Variants in GPR153 observed in about 807,000 individuals in gnomAD.
GPR153 encodes G protein-coupled receptor 153.
Under a neutral mutation model 34.1 loss-of-function variants are expected in GPR153, and 27 were observed. That is an observed-to-expected ratio of 0.79 (90% CI 0.58 to 1.09). GPR153 has a LOEUF of 1.09. GPR153 is among the 50% of genes least tolerant of loss of function. GPR153 has a pLI of 0.00. For synonymous variants in GPR153, 408 were observed against 405.4 expected (o/e 1.01, Z -0.08); for missense variants, 848 against 860.2 (o/e 0.99, Z 0.18).
chr1:6,254,632 T>G lies in GPR153; in HGVS notation c.274A>C (p.Thr92Pro). The G allele has an allele frequency of 6.2e-7, 1 of 1,612,794 alleles. No individual in the cohort carries two copies. Among genetic ancestry groups the G allele is most frequent in the Non-Finnish European group, 8.5e-7 (1 of 1,179,324 alleles). ...GAGAAACAGGTGGCCAGGGTGAGGG[T>G]GTAGAAGGTGGACACGAAGACCTTG... ...LCKVFVSTFYTLTLATCFSVT... is the reference protein window; with the variant it reads ...LCKVFVSTFYPLTLATCFSVT... The change falls in exon 2 of 6, where the codon ACC becomes CCC. Residue 92 changes from threonine (T) to proline (P), a missense_variant. Transcript: ENST00000377893.
At chr1:6,256,202 AGCAACAGT>A (rs546112738) in intron 1 of GPR153, among the ~76,000 whole-genome samples, 123 of 152,234 alleles carry the variant, frequency 8.1e-4, no homozygotes, top group South Asian at 7.2e-3. Flanking sequence ...CTGCCATGTG[AGCAACAGT>A]GCTGTTCCCC....
Position 6,249,544 on chromosome 1 carries a change from T to A in GPR153, c.1624A>T (p.Ser542Cys). 2 of 1,197,900 alleles carry A rather than the reference T, an allele frequency of 1.7e-6. No individual in the cohort carries two copies. Among genetic ancestry groups the A allele is most frequent in the Admixed American group, 4.5e-5 (1 of 22,362 alleles). 74.2% of individuals were successfully genotyped at this position (1,197,900 alleles called of 1,614,324 possible). The part of the protein sequence containing the change: ...ADPGEAPTPP[S>C]SAQRSPGPRP... ...GGCCCTGGGCTCCGCTGGGCGCTGC[T>A]TGGGGGCGTCGGGGCCTCTCCGGGA... Residue 542 changes from serine (S) to cysteine (C), a missense_variant, in exon 6 of 6, where the codon AGC becomes TGC. Physicochemically the swap from Ser to Cys is moderately radical, Grantham distance 112. Transcript: ENST00000377893. The surrounding 1 kb of genome is among the most constrained non-coding windows in gnomAD (Gnocchi z 4.3).
intron 3 of GPR153, among the ~76,000 whole-genome samples, chr1:6,252,148 G>A (rs1287890891): frequency 6.6e-6 from 1 of 152,162 alleles, no homozygotes; most frequent in Admixed American, 6.5e-5. Context: ...TTAAGTGACT[G>A]CCACAAAAGA....
Position 6,248,969 on chromosome 1 carries a change from C to A in GPR153, c.*369G>T, listed in dbSNP as rs113362011. ...TCTCCAAAGCGGGGCTTTGTCCGAT[C>A]CCGCAGTGGCCCTGTCTCAGGTTCC... On this transcript the variant is annotated 3_prime_UTR_variant, in exon 6 of 6. Transcript: ENST00000377893. 3.4e-3 allele frequency: 623 copies of A among 183,500 alleles called. 9 individuals are homozygous for A. The highest frequency in any genetic ancestry group is 0.013 in the African/African-American group (572 of 42,762). The allele number at this position is 183,500 out of a possible 1,614,324, so 11.4% of individuals were successfully genotyped here.
chr1:6,253,640 A>C (rs1427750702), intron 3 of GPR153, 78 bp downstream of exon 3: 3 of 1,316,524 alleles, frequency 2.3e-6, no homozygotes, highest in Non-Finnish European at 3.1e-6. Context: ...CTGAGGACTC[A>C]ACCACCTGAT....
In GPR153 at chr1:6,249,454, G is replaced by A. The variant is rs1283235346; in HGVS notation, c.1714C>T (p.Pro572Ser). 1 of 1,349,690 alleles carries A rather than the reference G, an allele frequency of 7.4e-7. No individual in the cohort carries two copies. The highest frequency in any genetic ancestry group is 9.5e-7 in the Non-Finnish European group (1 of 1,055,950). The allele number at this position is 1,349,690 out of a possible 1,614,324, so 83.6% of individuals were successfully genotyped here. Reference sequence around the variant, plus strand: ...CCGCCCGCCGCGCGCAGCCCCCCGGGCTCGCCCCACGACGCGCTCAGGCCG... The same window carrying A: ...CCGCCCGCCGCGCGCAGCCCCCCGGACTCGCCCCACGACGCGCTCAGGCCG... Reference protein sequence around the residue: ...RPGLSASWGEPGGLRAAGGGG... With the variant: ...RPGLSASWGESGGLRAAGGGG... The change falls in exon 6 of 6, where the codon CCC becomes TCC. Residue 572 changes from proline (P) to serine (S), a missense_variant. Transcript: ENST00000377893. The surrounding 1 kb of genome is among the most constrained non-coding windows in gnomAD (Gnocchi z 4.3).
In GPR153 at chr1:6,249,226, C is replaced by G. The variant is rs541363987; in HGVS notation, c.*112G>C. ...ACGCTGAGGCCAACGCCCCCTCACC[C>G]CTGGGAGGGGTGGCGCATGTCTGCG... On this transcript the variant is annotated 3_prime_UTR_variant, in exon 6 of 6. Coordinates refer to ENST00000377893, the MANE Select transcript of GPR153 (RefSeq NM_207370.4). The surrounding 1 kb of genome is among the most constrained non-coding windows in gnomAD (Gnocchi z 4.3). 532 of 793,942 alleles carry G rather than the reference C, an allele frequency of 6.7e-4. 1 individual carries two copies. The South Asian group carries it at 0.013, about 19-fold the overall frequency. 49.2% of individuals were successfully genotyped at this position (793,942 alleles called of 1,614,324 possible).
chr1:6,257,881 G>A (rs1638597606), intron 1 of GPR153, among the ~76,000 whole-genome samples: 1 of 152,248 alleles, frequency 6.6e-6, no homozygotes, highest in Admixed American at 6.5e-5. Flanking sequence ...AGTACCAAGT[G>A]AAGGCCTACT....
rs757002132 is a variant in GPR153, at chr1:6,253,927, T to C, written c.577A>G (p.Ile193Val). 5.8e-5 allele frequency: 94 copies of C among 1,611,290 alleles called. No homozygotes were observed. Among genetic ancestry groups the C allele is most frequent in the Non-Finnish European group, 8.0e-5 (94 of 1,179,260 alleles). ...ACGGCCAGCGTCTGGAAGAGGGCGATGGCTGTGCAGATCACGCCCATGGCC... is the reference window on the plus strand; with the variant it reads ...ACGGCCAGCGTCTGGAAGAGGGCGACGGCTGTGCAGATCACGCCCATGGCC... ...SVAMGVICTAIALFQTLAVQV... is the reference protein window; with the variant it reads ...SVAMGVICTAVALFQTLAVQV... Residue 193 changes from isoleucine (I) to valine (V), a missense_variant, in exon 3 of 6, where the codon ATC becomes GTC. Transcript: ENST00000377893.
Position 6,253,864 on chromosome 1 carries a change from C to T in GPR153, c.640G>A (p.Val214Met), listed in dbSNP as rs1035922375. The T allele has an allele frequency of 8.1e-6, 13 of 1,606,756 alleles. No homozygotes were observed. The East Asian group carries it at 1.3e-4, about 17-fold the overall frequency. ...GCGTCCTCCACCACGATGGTGGGCA[C>T]GGTGAAGGCGCGGCGGTCGGCCTGG... ...GRQADRRAFTVPTIVVEDAQG... is the reference protein window; with the variant it reads ...GRQADRRAFTMPTIVVEDAQG... The change falls in exon 3 of 6, where the codon GTG (valine) becomes ATG (methionine). Residue 214 changes from valine to methionine, a missense_variant. Val to Met is a conservative substitution (Grantham distance 21). Transcript: ENST00000377893.
At chr1:6,257,348 G>T (rs1451233482) in intron 1 of GPR153, among the ~76,000 whole-genome samples, 1 of 152,228 alleles carries the variant, frequency 6.6e-6, no homozygotes, top group Non-Finnish European at 1.5e-5. Context: ...GGGGAACGGA[G>T]ATGGTCACCA....
Position 6,254,924 on chromosome 1 carries a change from C to A in GPR153, c.-19G>T. On this transcript the variant is annotated 5_prime_UTR_variant, in exon 2 of 6. Coordinates refer to ENST00000377893, the MANE Select transcript of GPR153 (RefSeq NM_207370.4). ...CACTCATGGTGCAGACCGGAGCTGG[C>A]AGGCGGCTGTGGCATCCTCCTTGGA... The A allele has an allele frequency of 6.6e-7, 1 of 1,511,034 alleles. No homozygotes were observed. The highest frequency in any genetic ancestry group is 8.9e-7 in the Non-Finnish European group (1 of 1,129,324). 93.6% of individuals were successfully genotyped at this position (1,511,034 alleles called of 1,614,324 possible).
intron 1 of GPR153, among the ~76,000 whole-genome samples, chr1:6,257,526 G>A (rs761021560): frequency 2.6e-5 from 4 of 152,248 alleles, no homozygotes; most frequent in Non-Finnish European, 5.9e-5. Context: ...CTTCTTCCGC[G>A]GGGAGGCTGA....
At chr1:6,258,329 A>G (rs1045463341) in intron 1 of GPR153, among the ~76,000 whole-genome samples, 1 of 152,072 alleles carries the variant, frequency 6.6e-6, no homozygotes, top group African/African-American at 2.4e-5. Flanking sequence ...AGGTTTCATC[A>G]TGTTGGCCAG....
At chr1:6,259,883 G>A (rs1338420815) in intron 1 of GPR153, among the ~76,000 whole-genome samples, 2 of 152,200 alleles carry the variant, frequency 1.3e-5, no homozygotes, top group East Asian at 1.9e-4. Context: ...CAGTGCCGAC[G>A]GGACCCAGTC....
chr1:6,249,337 C>A lies in GPR153; in HGVS notation c.*1G>T. 7.7e-7 allele frequency: 1 copy of A among 1,299,434 alleles called. No individual in the cohort carries two copies. Among genetic ancestry groups the A allele is most frequent in the South Asian group, 2.4e-5 (1 of 42,228 alleles). The allele number at this position is 1,299,434 out of a possible 1,614,324, so 80.5% of individuals were successfully genotyped here. A position where few individuals can be genotyped will look rare whatever the true frequency, so the allele number is the denominator to read the frequency against. On this transcript the variant is annotated 3_prime_UTR_variant, in exon 6 of 6. Transcript: ENST00000377893. The surrounding 1 kb of genome is among the most constrained non-coding windows in gnomAD (Gnocchi z 4.3). ...GCGTCCGTGGGGAGGCGCCGGCGGT[C>A]CTAGGACGCGGAGCCCAGCGAGTCC...
At chr1:6,252,615 C>T (rs1184435588) in intron 3 of GPR153, among the ~76,000 whole-genome samples, 1 of 152,186 alleles carries the variant, frequency 6.6e-6, no homozygotes, top group Non-Finnish European at 1.5e-5. Context: ...GCTGCCACCC[C>T]CCGAGTCACC....
In GPR153 at chr1:6,255,006, CA is replaced by C; in HGVS notation, c.-102del. The C allele has an allele frequency of 1.2e-6, 1 of 832,312 alleles. No individual in the cohort carries two copies. The highest frequency in any genetic ancestry group is 1.8e-6 in the Non-Finnish European group (1 of 560,980). 51.6% of individuals were successfully genotyped at this position (832,312 alleles called of 1,614,324 possible). Reference sequence around the variant, plus strand: ...CTGGTGGCTCAAGGATGCTGGGGACCACGAGCATCTGTGGGGGGGTGGCAGT... The same window carrying C: ...CTGGTGGCTCAAGGATGCTGGGGACCCGAGCATCTGTGGGGGGGTGGCAGT... On this transcript the variant is annotated 5_prime_UTR_variant, in exon 2 of 6. The change creates a premature stop within an existing upstream ORF in the 5' untranslated region. Transcript: ENST00000377893.
At position 6,250,460 on chromosome 1, in the gene GPR153, C is replaced by T. The variant is rs1638419178; in HGVS notation, c.1144G>A (p.Asp382Asn). The stretch of plus-strand genomic sequence containing the variant: ...CTCACCTGCAGGTATTGCATCTTGT[C>T]CTCCTGCAAGGGCCGCAGTGGGTAG... The part of the protein sequence containing the change: ...QLYPLRPLQE[D>N]KMQYLQVPPT... The change falls in exon 5 of 6, where the codon GAC (aspartate) becomes AAC (asparagine). Residue 382 changes from aspartate to asparagine, a missense_variant. Coordinates refer to ENST00000377893, the MANE Select transcript of GPR153 (RefSeq NM_207370.4). 2 of 1,605,044 alleles carry T rather than the reference C, an allele frequency of 1.2e-6. No homozygotes were observed. Among genetic ancestry groups the T allele is most frequent in the Non-Finnish European group, 1.7e-6 (2 of 1,176,378 alleles).
Sources: allele counts gnomAD v4.1 joint callset (sites outside exome capture counted in the v4.1 genomes callset), GRCh38; gene constraint gnomAD v4.1.1; non-coding constraint Gnocchi (gnomAD v3.1); transcripts MANE v1.5; gene names NCBI Gene and HGNC (gene_info 2026-07-23, HGNC 2026-07-21).